The following DNAJC12 variants were observed in gnomAD, a reference collection of about 807,000 sequenced individuals.
The protein encoded by DNAJC12 is DnaJ heat shock protein family (Hsp40) member C12, also known as dnaJ homolog subfamily C member 12.
A neutral mutation model predicts 28.5 loss-of-function variants in DNAJC12; 25 were observed. The observed-to-expected ratio is 0.88, with a 90% CI of 0.64 to 1.22. DNAJC12 has a LOEUF of 1.22. Ranked by LOEUF, DNAJC12 falls within the 50% of genes most tolerant of loss-of-function variation. The pLI, the probability that DNAJC12 is intolerant of heterozygous loss-of-function variation, is 0.00. For missense variants in DNAJC12, 222 were observed against 231.7 expected (o/e 0.96, Z 0.27); for synonymous variants, 77 against 80.6 (o/e 0.95, Z 0.24).
intron 3 of DNAJC12, among the ~76,000 whole-genome samples, chr10:67,806,134 A>G (rs1589603516): frequency 6.6e-6 from 1 of 152,232 alleles, no homozygotes; most frequent in South Asian, 2.1e-4. Flanking sequence ...AGTTTGCTGT[A>G]TCAAGAATAT....
chr10:67,797,904 G>A (rs1359376087), intron 4 of DNAJC12, among the ~76,000 whole-genome samples: 1 of 152,000 alleles, frequency 6.6e-6, no homozygotes, highest in Non-Finnish European at 1.5e-5. Context: ...GCCGGGCGTG[G>A]TGGCGGGCGC....
chr10:67,808,875 C>T (rs1327121131), intron 3 of DNAJC12, among the ~76,000 whole-genome samples: 1 of 152,186 alleles, frequency 6.6e-6, no homozygotes, highest in Non-Finnish European at 1.5e-5. Flanking sequence ...TGTTGAATTG[C>T]ATACTGTTTC....
rs78784886 is a variant in DNAJC12 at position 67,823,755 on chromosome 10, C to A, written c.79-363G>T. ...TGAAGGAAGAAGTTGGGGCATCAATCCCCAACCCAAAACAGCCATGATCAA... is the reference window on the plus strand; with the variant it reads ...TGAAGGAAGAAGTTGGGGCATCAATACCCAACCCAAAACAGCCATGATCAA... On this transcript the variant is annotated intron_variant, in intron 1 of 4. Coordinates refer to ENST00000225171, the MANE Select transcript of DNAJC12 (RefSeq NM_021800.3). 0.03 allele frequency among the ~76,000 whole-genome samples: 4,593 copies of A among 152,006 alleles called. 525 individuals are homozygous for A. In the East Asian group the frequency reaches 0.41, roughly 14 times the overall value.
At chr10:67,828,645 A>T (rs1842060433) in intron 1 of DNAJC12, among the ~76,000 whole-genome samples, 1 of 142,630 alleles carries the variant, frequency 7.0e-6, no homozygotes, top group South Asian at 2.3e-4. Context: ...TAAAGTGTTA[A>T]ATATTCTATT....
intron 3 of DNAJC12, among the ~76,000 whole-genome samples, chr10:67,808,312 G>A (rs1841823806): frequency 6.6e-6 from 1 of 152,174 alleles, no homozygotes; most frequent in African/African-American, 2.4e-5. Context: ...TATATGCATG[G>A]AAGGAACTAA....
chr10:67,832,361 A>AT (rs1842103063), intron 1 of DNAJC12, among the ~76,000 whole-genome samples: 1 of 152,006 alleles, frequency 6.6e-6, no homozygotes, highest in African/African-American at 2.4e-5. Context: ...TTAAAACTAG[A>AT]TTTTTCCCAC....
intron 1 of DNAJC12, among the ~76,000 whole-genome samples, chr10:67,824,097 A>G (rs35858192): frequency 0.47 from 71,265 of 151,756 alleles, 20,770 homozygotes; most frequent in Non-Finnish European, 0.66. Flanking sequence ...TTAGCCAGAC[A>G]TGGTGGCAGG....
chr10:67,827,793 T>G (rs1842052243), intron 1 of DNAJC12: 1 of 152,224 alleles, frequency 6.6e-6, no homozygotes, highest in Non-Finnish European at 1.5e-5. Context: ...TTCTTTATAT[T>G]TTCTAGGTTT....
chr10:67,828,994 G>A (rs908030696), intron 1 of DNAJC12, among the ~76,000 whole-genome samples: 12 of 152,042 alleles, frequency 7.9e-5, no homozygotes, highest in African/African-American at 1.9e-4. Flanking sequence ...AAGACAGCTC[G>A]GGCGCAGAGG....
At chr10:67,829,506 T>C (rs1589050110) in intron 1 of DNAJC12, among the ~76,000 whole-genome samples, 1 of 152,046 alleles carries the variant, frequency 6.6e-6, no homozygotes, top group African/African-American at 2.4e-5. Flanking sequence ...CCGGGCGTGG[T>C]GGCGGCCGCC....
chr10:67,819,471 T>C (rs1256263212), intron 2 of DNAJC12, among the ~76,000 whole-genome samples: 1 of 150,054 alleles, frequency 6.7e-6, no homozygotes, highest in African/African-American at 2.5e-5. Context: ...AAACCCCTTT[T>C]GCACCAAAAA....
At chr10:67,802,350 C>A (rs555499140) in intron 4 of DNAJC12, among the ~76,000 whole-genome samples, 22 of 152,280 alleles carry the variant, frequency 1.4e-4, no homozygotes, top group Middle Eastern at 3.4e-3. Flanking sequence ...ACACAAATGC[C>A]TACCCAAGAA....
intron 3 of DNAJC12, among the ~76,000 whole-genome samples, chr10:67,809,962 C>T (rs886846638): frequency 6.6e-6 from 1 of 152,128 alleles, no homozygotes; most frequent in African/African-American, 2.4e-5. Flanking sequence ...ATCCATGTGT[C>T]TAAAAACCAC....
At chr10:67,820,132 A>G (rs1841968452) in intron 2 of DNAJC12, among the ~76,000 whole-genome samples, 1 of 152,222 alleles carries the variant, frequency 6.6e-6, no homozygotes, top group African/African-American at 2.4e-5. Context: ...TCAGGCAGAA[A>G]GCATCAAGCA....
At chr10:67,818,719 C>T (rs1338471440) in intron 2 of DNAJC12, among the ~76,000 whole-genome samples, 1 of 151,782 alleles carries the variant, frequency 6.6e-6, no homozygotes, top group African/African-American at 2.4e-5. Context: ...TGCAGTGGCG[C>T]GATCTCGGCT....
At chr10:67,800,667 G>A (rs1263643624) in intron 4 of DNAJC12, among the ~76,000 whole-genome samples, 1 of 152,146 alleles carries the variant, frequency 6.6e-6, no homozygotes, top group Non-Finnish European at 1.5e-5. Context: ...TTTTCTTGGT[G>A]GGACGCGGCG....
chr10:67,811,246 T>A, intron 3 of DNAJC12: 1 of 1,168,796 alleles, frequency 8.6e-7, no homozygotes, highest in Non-Finnish European at 1.1e-6. Context: ...TTAGAGCTCA[T>A]AAAATAGTAA....
In DNAJC12 at chr10:67,830,610, A is replaced by AAAATAAATAAAT. The variant is rs71006172; in HGVS notation, c.79-7230_79-7219dup. On this transcript the variant is annotated intron_variant, in intron 1 of 4. Transcript: ENST00000225171. ...GCGACAGAGCAAGACTCCGTCTCAA[A>AAAATAAATAAAT]AAATAAATAAATAAATAAATAAATA... 3.2e-3 allele frequency among the ~76,000 whole-genome samples: 457 copies of AAAATAAATAAAT among 144,872 alleles called. 2 individuals carry two copies. The highest frequency in any genetic ancestry group is 7.2e-3 in the African/African-American group (282 of 39,276).
At chr10:67,799,952 T>C (rs1458243093) in intron 4 of DNAJC12, among the ~76,000 whole-genome samples, 2 of 150,532 alleles carry the variant, frequency 1.3e-5, no homozygotes, top group African/African-American at 4.9e-5. Context: ...TGAAACAGGT[T>C]GGGCACAGTG....
Sources: gnomAD v4.1 joint callset for allele counts (sites outside exome capture counted in the v4.1 genomes callset) on GRCh38, gnomAD v4.1.1 for gene constraint, MANE v1.5 for transcripts, NCBI Gene and HGNC (gene_info 2026-07-23, HGNC 2026-07-21) for gene names.